SAMMSON: variants seen among roughly 807,000 people sequenced by gnomAD.
SAMMSON encodes long intergenic non-protein coding RNA 1212.
intron 6 of SAMMSON, among the ~76,000 whole-genome samples, chr3:70,263,149 T>A (rs1701884284): frequency 6.6e-6 from 1 of 152,168 alleles, no homozygotes. Context: ...AAACTCTATA[T>A]TTGTCATTAA....
intron 6 of SAMMSON, among the ~76,000 whole-genome samples, chr3:70,274,394 A>G (rs1702002432): frequency 6.6e-6 from 1 of 152,188 alleles, no homozygotes; most frequent in Admixed American, 6.6e-5. Context: ...TATGTGATAG[A>G]AATGAGCACT....
At chr3:70,110,777 C>T (rs1245062168) in intron 4 of SAMMSON, among the ~76,000 whole-genome samples, 1 of 151,962 alleles carries the variant, frequency 6.6e-6, no homozygotes, top group Non-Finnish European at 1.5e-5. Context: ...AAAGCAGTTT[C>T]CAGAGAAAGG....
At chr3:70,409,789 A>G (rs1441188145) in intron 2 of SAMMSON, among the ~76,000 whole-genome samples, 1 of 152,078 alleles carries the variant, frequency 6.6e-6, no homozygotes, top group Non-Finnish European at 1.5e-5. Flanking sequence ...AGATAGATAG[A>G]TTTGTTCTTT....
chr3:70,112,949 T>C (rs2067395612), intron 4 of SAMMSON, among the ~76,000 whole-genome samples: 1 of 152,152 alleles, frequency 6.6e-6, no homozygotes, highest in Admixed American at 6.6e-5. Flanking sequence ...TTTTGGAGTA[T>C]TGAGTGCTTT....
At chr3:70,188,440 T>C (rs972947873) in intron 4 of SAMMSON, among the ~76,000 whole-genome samples, 2 of 152,174 alleles carry the variant, frequency 1.3e-5, no homozygotes, top group African/African-American at 4.8e-5. Flanking sequence ...ATTATGCTAA[T>C]CTTGGGAGAA....
chr3:70,151,340 A>G (rs892695827), intron 4 of SAMMSON, among the ~76,000 whole-genome samples: 6 of 152,062 alleles, frequency 3.9e-5, no homozygotes, highest in Non-Finnish European at 8.8e-5. Context: ...GTTCTGCTCC[A>G]TGAGGCTGGT....
chr3:70,429,325 A>G (rs1456046540), intron 2 of SAMMSON, among the ~76,000 whole-genome samples: 2 of 152,080 alleles, frequency 1.3e-5, no homozygotes, highest in African/African-American at 2.4e-5. Flanking sequence ...ATTGGTCTAT[A>G]TATCTGTTTT....
intron 9 of SAMMSON, among the ~76,000 whole-genome samples, chr3:70,387,972 T>TG (rs1700993371): frequency 8.6e-6 from 1 of 116,606 alleles, no homozygotes; most frequent in Admixed American, 1.0e-4. Flanking sequence ...GAGCCTATTT[T>TG]TTTTGGTTTG....
chr3:70,111,277 A>T (rs2067388028), intron 4 of SAMMSON, among the ~76,000 whole-genome samples: 1 of 152,222 alleles, frequency 6.6e-6, no homozygotes, highest in African/African-American at 2.4e-5. Context: ...AACACTTTTT[A>T]AAACCAATTC....
intron 4 of SAMMSON, among the ~76,000 whole-genome samples, chr3:70,148,275 T>C (rs1312598018): frequency 6.6e-6 from 1 of 152,112 alleles, no homozygotes; most frequent in Non-Finnish European, 1.5e-5. Context: ...TATTCCCTAG[T>C]AGGTATTTAC....
At chr3:70,326,710 T>C (rs1702582397) in intron 7 of SAMMSON, among the ~76,000 whole-genome samples, 1 of 152,208 alleles carries the variant, frequency 6.6e-6, no homozygotes. Context: ...TATGATTACC[T>C]TTCCTTTATT....
At chr3:70,175,580 C>A (rs1244639836) in intron 4 of SAMMSON, among the ~76,000 whole-genome samples, 2 of 151,932 alleles carry the variant, frequency 1.3e-5, no homozygotes, top group African/African-American at 4.8e-5. Flanking sequence ...ATCCAGAACC[C>A]CAAATCTTCT....
At chr3:70,156,043 G>A (rs13066473) in intron 4 of SAMMSON, among the ~76,000 whole-genome samples, 70,612 of 151,804 alleles carry the variant, frequency 0.47, 17,437 homozygotes, top group Non-Finnish European at 0.52. Context: ...AGCTTTATGT[G>A]TTGGAGCCAA....
chr3:70,032,315 G>GA (rs1333299603), intron 3 of SAMMSON, among the ~76,000 whole-genome samples: 2 of 151,732 alleles, frequency 1.3e-5, no homozygotes, highest in Non-Finnish European at 2.9e-5. Context: ...GTCTGGAATA[G>GA]AAAAAAAATA....
intron 9 of SAMMSON, among the ~76,000 whole-genome samples, chr3:70,359,940 G>A (rs1702859111): frequency 2.6e-5 from 4 of 152,206 alleles, no homozygotes; most frequent in Admixed American, 2.6e-4. Flanking sequence ...TTGGTGCTGT[G>A]AGACTCACAC....
chr3:70,375,753 G>T (rs1353932083), intron 9 of SAMMSON, among the ~76,000 whole-genome samples: 1 of 152,060 alleles, frequency 6.6e-6, no homozygotes, highest in Non-Finnish European at 1.5e-5. Flanking sequence ...CTCATAGATG[G>T]TATAATTTTT....
chr3:70,339,627 T>C (rs938402821), intron 7 of SAMMSON, among the ~76,000 whole-genome samples: 15 of 152,172 alleles, frequency 9.9e-5, no homozygotes, highest in African/African-American at 3.1e-4. Flanking sequence ...AGAAGACATT[T>C]ATGCAGCCAA....
chr3:70,208,338 C>T (rs1235125689), intron 4 of SAMMSON, among the ~76,000 whole-genome samples: 3 of 152,072 alleles, frequency 2.0e-5, no homozygotes. Flanking sequence ...GCTTATGCAG[C>T]TCAGTGCAAG....
At chr3:70,369,111 A>G (rs192080523) in intron 9 of SAMMSON, among the ~76,000 whole-genome samples, 2 of 151,546 alleles carry the variant, frequency 1.3e-5, no homozygotes, top group African/African-American at 2.4e-5. Context: ...GCTATTATAA[A>G]TGTCTATTTT....
Sources: allele counts gnomAD v4.1 joint callset (sites outside exome capture counted in the v4.1 genomes callset), GRCh38; gene constraint gnomAD v4.1.1; transcripts MANE v1.5; gene names NCBI Gene and HGNC (gene_info 2026-07-23, HGNC 2026-07-21).